MECOM: variants seen among roughly 807,000 people sequenced by gnomAD.
MECOM encodes MDS1 and EVI1 complex locus, also known as histone-lysine N-methyltransferase MECOM.
In MECOM, 13 loss-of-function variants were observed where a neutral mutation model predicts 116.3. The observed-to-expected ratio is 0.11, with a 90% CI of 0.07 to 0.18. The LOEUF (loss-of-function observed/expected upper bound fraction) is 0.18. Among genes scored for constraint, MECOM ranks in the 10% least tolerant of loss-of-function variants. The pLI, the probability that MECOM is intolerant of heterozygous loss-of-function variation, is 1.00. For synonymous variants in MECOM, 528 were observed against 535.2 expected, an observed-to-expected ratio of 0.99 and a Z score of 0.19; for missense variants, 1,299 against 1,509.0, an observed-to-expected ratio of 0.86 and a Z score of 2.31.
At chr3:169,411,495 C>T (rs1737547791) in intron 1 of MECOM, among the ~76,000 whole-genome samples, 1 of 152,186 alleles carries the variant, frequency 6.6e-6, no homozygotes, top group African/African-American at 2.4e-5. Context: ...GAATTTCCCT[C>T]CTGACTGTAT....
At chr3:169,294,997 C>A (rs1308326868) in intron 2 of MECOM, among the ~76,000 whole-genome samples, 1 of 152,078 alleles carries the variant, frequency 6.6e-6, no homozygotes, top group Non-Finnish European at 1.5e-5. Flanking sequence ...AGAAGATTAT[C>A]TTTTCTATTG....
At chr3:169,549,917 GGC>G (rs1251389007) in intron 1 of MECOM, among the ~76,000 whole-genome samples, 5 of 152,044 alleles carry the variant, frequency 3.3e-5, no homozygotes, top group African/African-American at 1.2e-4. Context: ...AAATCTAGTG[GGC>G]AGACACAGCA....
At chr3:169,223,922 C>T (rs1219441368) in intron 2 of MECOM, among the ~76,000 whole-genome samples, 1 of 152,128 alleles carries the variant, frequency 6.6e-6, no homozygotes, top group East Asian at 1.9e-4. Context: ...AAGTGCCTGG[C>T]CAAGAGAAGC....
chr3:169,577,588 G>A (rs146383106), intron 1 of MECOM, among the ~76,000 whole-genome samples: 6 of 152,106 alleles, frequency 3.9e-5, no homozygotes, highest in Non-Finnish European at 8.8e-5. Context: ...CAGACTCATA[G>A]TGTTAGGCCC....
chr3:169,099,442 T>C (rs929208060), intron 12 of MECOM, among the ~76,000 whole-genome samples: 18 of 152,144 alleles, frequency 1.2e-4, no homozygotes, highest in Admixed American at 7.2e-4. Flanking sequence ...TTATATCAAG[T>C]GCATTCTATC....
intron 10 of MECOM, among the ~76,000 whole-genome samples, chr3:169,103,215 T>G (rs944215709): frequency 6.6e-6 from 1 of 151,794 alleles, no homozygotes; most frequent in African/African-American, 2.4e-5. Flanking sequence ...TCCTTCCACC[T>G]GCTTCGGTCT....
chr3:169,629,701 C>T (rs1009450942), intron 1 of MECOM, among the ~76,000 whole-genome samples: 9 of 152,172 alleles, frequency 5.9e-5, no homozygotes, highest in African/African-American at 1.9e-4. Flanking sequence ...GCTAAGATTC[C>T]AAGCTCACTG....
At chr3:169,122,772 T>C (rs1442084294) in intron 5 of MECOM, 45 bp from the exon 6 acceptor site, 3 of 1,595,932 alleles carry the variant, frequency 1.9e-6, no homozygotes, top group East Asian at 2.2e-5. Context: ...GATGCATTCA[T>C]AAACGGAACA....
intron 1 of MECOM, among the ~76,000 whole-genome samples, chr3:169,472,461 AAAG>A (rs750748546): frequency 3.0e-5 from 4 of 131,584 alleles, no homozygotes; most frequent in African/African-American, 8.6e-5. Context: ...AAAGGAAGGG[AAAG>A]AAGGAAAGGA....
At chr3:169,360,319 C>CAAAAAAAAAAAAAAAAAAAAAAAAAAAA in intron 2 of MECOM, among the ~76,000 whole-genome samples, 1 of 87,840 alleles carries the variant, frequency 1.1e-5, no homozygotes, top group African/African-American at 4.3e-5. Context: ...AAAGTTACAC[C>CAAAAAAAAAAAAAAAAAAAAAAAAAAAA]AAAAAAAAAA....
chr3:169,368,448 C>A (rs768709463), intron 2 of MECOM, among the ~76,000 whole-genome samples: 1 of 151,966 alleles, frequency 6.6e-6, no homozygotes, highest in Non-Finnish European at 1.5e-5. Context: ...ATTTATCATT[C>A]AAATGGAAGA....
chr3:169,472,164 T>C (rs971153628), intron 1 of MECOM, among the ~76,000 whole-genome samples: 2 of 151,182 alleles, frequency 1.3e-5, no homozygotes, highest in African/African-American at 4.9e-5. Context: ...ATATACCCAA[T>C]AAATATACAC....
intron 2 of MECOM, among the ~76,000 whole-genome samples, chr3:169,171,092 T>C (rs1744332728): frequency 6.6e-6 from 1 of 152,232 alleles, no homozygotes; most frequent in Non-Finnish European, 1.5e-5. Context: ...TTTAAGAATA[T>C]TTCTCTTCTC....
chr3:169,096,345 G>C (rs1384542387), intron 12 of MECOM, among the ~76,000 whole-genome samples: 9 of 150,708 alleles, frequency 6.0e-5, no homozygotes, highest in Admixed American at 6.0e-4. Flanking sequence ...ATCTCGGCTC[G>C]CTGCAACCTC....
chr3:169,548,068 T>C (rs1282902871), intron 1 of MECOM, among the ~76,000 whole-genome samples: 2 of 152,104 alleles, frequency 1.3e-5, no homozygotes, highest in African/African-American at 4.8e-5. Context: ...CATTATCTTT[T>C]CCCCTTTCAG....
chr3:169,290,641 T>C (rs1167399859), intron 2 of MECOM, among the ~76,000 whole-genome samples: 1 of 152,162 alleles, frequency 6.6e-6, no homozygotes, highest in Admixed American at 6.5e-5. Context: ...TCTTAAAAAC[T>C]GTTGGGTGAC....
chr3:169,527,952 T>C (rs1011843144), intron 1 of MECOM, among the ~76,000 whole-genome samples: 9 of 152,174 alleles, frequency 5.9e-5, no homozygotes, highest in African/African-American at 2.2e-4. Context: ...TGTGCATACT[T>C]AGGCGTGTGC....
At chr3:169,449,132 T>C (rs1277606825) in intron 1 of MECOM, among the ~76,000 whole-genome samples, 1 of 152,152 alleles carries the variant, frequency 6.6e-6, no homozygotes, top group African/African-American at 2.4e-5. Context: ...GGAGCACAAA[T>C]GAAGCATACC....
intron 1 of MECOM, chr3:169,623,800 C>A (rs1771034681): frequency 6.6e-6 from 1 of 151,556 alleles, no homozygotes; most frequent in African/African-American, 2.4e-5. Flanking sequence ...CTAAAACACA[C>A]ACACACACAT....
Sources: gnomAD v4.1 joint callset for allele counts (sites outside exome capture counted in the v4.1 genomes callset) on GRCh38, gnomAD v4.1.1 for gene constraint, MANE v1.5 for transcripts, NCBI Gene and HGNC (gene_info 2026-07-23, HGNC 2026-07-21) for gene names.